The following RXFP2 variants were observed in gnomAD, a reference collection of about 807,000 sequenced individuals.
RXFP2 encodes relaxin receptor 2.
RXFP2 carries 68 observed loss-of-function variants against 88.6 expected under a neutral mutation model. The ratio of observed to expected loss-of-function variants is 0.77; its 90% CI spans 0.63 to 0.94. RXFP2 has a LOEUF of 0.94. RXFP2 is among the 40% of genes least tolerant of loss of function. RXFP2 has a pLI of 0.00. For missense variants in RXFP2, 791 were observed against 893.9 expected (o/e 0.88, Z 1.47); for synonymous variants, 329 against 306.8 (o/e 1.07, Z -0.76).
intron 10 of RXFP2, 66 bp downstream of exon 10, chr13:31,781,808 C>A: frequency 6.7e-6 from 9 of 1,338,768 alleles, no homozygotes; most frequent in Non-Finnish European, 9.6e-6. Flanking sequence ...AAAAAGAAAA[C>A]ATTGACAAAA....
At chr13:31,761,102 G>A (rs532557448) in intron 2 of RXFP2, among the ~76,000 whole-genome samples, 7 of 152,044 alleles carry the variant, frequency 4.6e-5, no homozygotes, top group African/African-American at 7.2e-5. Context: ...CTACAGGTGC[G>A]CACCACCACA....
chr13:31,796,262 G>A (rs1874040239), intron 16 of RXFP2, among the ~76,000 whole-genome samples: 1 of 150,626 alleles, frequency 6.6e-6, no homozygotes, highest in African/African-American at 2.4e-5. Context: ...TGTTAGCCAG[G>A]ATGGTCTCGA....
intron 1 of RXFP2, among the ~76,000 whole-genome samples, chr13:31,757,167 T>C (rs901657359): frequency 6.6e-6 from 1 of 152,216 alleles, no homozygotes; most frequent in Non-Finnish European, 1.5e-5. Context: ...TTATGTACCC[T>C]GCACCAGAAG....
chr13:31,793,668 T>G (rs1873898224), intron 16 of RXFP2, among the ~76,000 whole-genome samples: 1 of 152,164 alleles, frequency 6.6e-6, no homozygotes, highest in Non-Finnish European at 1.5e-5. Flanking sequence ...AATGACAAAT[T>G]TAGCCCTTTA....
At chr13:31,780,598 G>T (rs937737830) in intron 9 of RXFP2, among the ~76,000 whole-genome samples, 2 of 152,186 alleles carry the variant, frequency 1.3e-5, no homozygotes, top group African/African-American at 4.8e-5. Flanking sequence ...TTCAGAAGAA[G>T]AAAAATAGCT....
chr13:31,798,832 G>T (rs6563820), intron 17 of RXFP2, among the ~76,000 whole-genome samples: 1 of 152,142 alleles, frequency 6.6e-6, no homozygotes, highest in African/African-American at 2.4e-5. Flanking sequence ...AGATTTTAGC[G>T]TACTAAACAC....
intron 1 of RXFP2, among the ~76,000 whole-genome samples, chr13:31,742,996 C>T (rs1871274512): frequency 5.9e-5 from 9 of 152,168 alleles, no homozygotes; most frequent in Admixed American, 5.9e-4. Flanking sequence ...TATCTAAAAA[C>T]AAAAAATAAA....
At chr13:31,778,394 G>A (rs1298407452) in intron 8 of RXFP2, 118 bp from the exon 9 acceptor site, 4 of 719,506 alleles carry the variant, frequency 5.6e-6, no homozygotes, top group Non-Finnish European at 7.3e-6. Context: ...AGCTATATAT[G>A]TTATCATCAT....
At chr13:31,768,925 C>G (rs186680270) in intron 5 of RXFP2, among the ~76,000 whole-genome samples, 43 of 152,260 alleles carry the variant, frequency 2.8e-4, no homozygotes, top group African/African-American at 1.0e-3. Flanking sequence ...ACCAAACCAT[C>G]CCCAGGAAGG....
intron 1 of RXFP2, 81 bp from the exon 2 acceptor site, chr13:31,758,177 G>C: frequency 7.0e-7 from 1 of 1,419,662 alleles, no homozygotes; most frequent in Non-Finnish European, 1.0e-6. Context: ...AACTCATATA[G>C]CTCTTGTGAA....
intron 1 of RXFP2, among the ~76,000 whole-genome samples, chr13:31,749,835 C>A (rs1030549177): frequency 6.6e-6 from 1 of 152,062 alleles, no homozygotes; most frequent in African/African-American, 2.4e-5. Context: ...TCTTCTCTTC[C>A]AATATGTATG....
At chr13:31,801,188 A>G (rs919486745) in intron 17 of RXFP2, among the ~76,000 whole-genome samples, 2 of 152,130 alleles carry the variant, frequency 1.3e-5, no homozygotes, top group Non-Finnish European at 2.9e-5. Flanking sequence ...TGATGAGAGA[A>G]AGCATCATGG....
At chr13:31,745,903 G>A (rs1475912835) in intron 1 of RXFP2, among the ~76,000 whole-genome samples, 3 of 152,182 alleles carry the variant, frequency 2.0e-5, no homozygotes, top group Non-Finnish European at 2.9e-5. Context: ...GAGTCGTGAA[G>A]TAAAGTGCTA....
chr13:31,782,603 T>TG, intron 10 of RXFP2, 73 bp from the exon 11 acceptor site: 1 of 1,089,418 alleles, frequency 9.2e-7, no homozygotes, highest in Non-Finnish European at 1.4e-6. Flanking sequence ...CCTGGATCAG[T>TG]GGCCTCTCCC....
chr13:31,758,700 A>G (rs1456505511), intron 2 of RXFP2, among the ~76,000 whole-genome samples: 1 of 152,186 alleles, frequency 6.6e-6, no homozygotes, highest in Non-Finnish European at 1.5e-5. Context: ...GCAGTTTTCT[A>G]TGAATACCTC....
At chr13:31,746,579 A>G (rs7327612) in intron 1 of RXFP2, among the ~76,000 whole-genome samples, 53,843 of 152,068 alleles carry the variant, frequency 0.35, 10,483 homozygotes, top group Admixed American at 0.46. Context: ...ACAAATGGCT[A>G]AGGAAGAATC....
intron 1 of RXFP2, among the ~76,000 whole-genome samples, chr13:31,740,398 AC>A (rs1871183319): frequency 6.6e-6 from 1 of 152,114 alleles, no homozygotes; most frequent in South Asian, 2.1e-4. Flanking sequence ...TTCATAAACA[AC>A]CTATTAACCA....
chr13:31,739,847 T>C (rs1278978512), intron 1 of RXFP2, 141 bp downstream of exon 1: 4 of 682,782 alleles, frequency 5.9e-6, no homozygotes, highest in East Asian at 2.7e-5. Flanking sequence ...TTTGTCATTA[T>C]CTTTCATTGC....
intron 17 of RXFP2, among the ~76,000 whole-genome samples, chr13:31,800,856 A>G (rs1323698452): frequency 4.6e-5 from 7 of 150,750 alleles, no homozygotes; most frequent in Admixed American, 2.0e-4. Flanking sequence ...TAAATTAGGG[A>G]CAAATAATAT....
Sources: allele counts gnomAD v4.1 joint callset (sites outside exome capture counted in the v4.1 genomes callset), GRCh38; gene constraint gnomAD v4.1.1; transcripts MANE v1.5; gene names NCBI Gene and HGNC (gene_info 2026-07-23, HGNC 2026-07-21).